Variants in SRL observed in about 807,000 individuals in gnomAD.
The protein encoded by SRL is sarcalumenin.
SRL carries 23 observed loss-of-function variants against 39.5 expected under a neutral mutation model. That is an observed-to-expected ratio of 0.58 (90% CI 0.42 to 0.82). The LOEUF (loss-of-function observed/expected upper bound fraction) is 0.82. SRL is among the 40% of genes least tolerant of loss of function. The pLI is 0.00. For synonymous variants in SRL, 272 were observed against 237.4 expected, an observed-to-expected ratio of 1.15 and a Z score of -1.34; for missense variants, 592 against 607.8, an observed-to-expected ratio of 0.97 and a Z score of 0.27.
At position 4,228,382 on chromosome 16, in the gene SRL, G is replaced by A. The variant is rs377437707; in HGVS notation, c.61+13625C>T. Among the ~76,000 whole-genome samples, 41 of 152,160 alleles carry A rather than the reference G, an allele frequency of 2.7e-4. No homozygotes were observed. In the East Asian group the frequency reaches 3.5e-3, roughly 13 times the overall value. On this transcript the variant is annotated intron_variant, in intron 1 of 5. Coordinates refer to ENST00000399609, the MANE Select transcript of SRL (RefSeq NM_001098814.2). ...ACCCGGGAGGTGGAGGTTGCAGTGA[G>A]CCGAGATTGCACCACTGCACTCCAA...
intron 3 of SRL, among the ~76,000 whole-genome samples, chr16:4,202,855 G>A (rs1441551987): frequency 6.6e-6 from 1 of 152,140 alleles, no homozygotes; most frequent in Non-Finnish European, 1.5e-5. Context: ...ATTGAAATAG[G>A]CATCATCGCC....
intron 4 of SRL, among the ~76,000 whole-genome samples, chr16:4,196,105 C>T (rs1597266048): frequency 6.6e-6 from 1 of 151,828 alleles, no homozygotes. Flanking sequence ...AGATTACAGG[C>T]ACTCGCCACC....
chr16:4,197,684 C>A, intron 4 of SRL, 115 bp downstream of exon 4: 1 of 845,648 alleles, frequency 1.2e-6, no homozygotes, highest in Non-Finnish European at 2.0e-6. Flanking sequence ...CCTTGGCCTC[C>A]CAATGTGCTG....
In SRL at chr16:4,190,587, C is replaced by G. The variant is rs2052048775; in HGVS notation, c.*1566G>C. 2.5e-6 allele frequency: 1 copy of G among 397,872 alleles called. No homozygotes were observed. The highest frequency in any genetic ancestry group is 4.4e-5 in the Admixed American group (1 of 22,720). The allele number at this position is 397,872 out of a possible 1,614,324, so 24.6% of individuals were successfully genotyped here. Reference sequence around the variant, plus strand: ...AGCCGTGCATGCTAGCCTTGCAAGACTGTTACAAGTTCTCTACTCCCTAGA... The same window carrying G: ...AGCCGTGCATGCTAGCCTTGCAAGAGTGTTACAAGTTCTCTACTCCCTAGA... On this transcript the variant is annotated 3_prime_UTR_variant, in exon 6 of 6. Coordinates refer to ENST00000399609, the MANE Select transcript of SRL (RefSeq NM_001098814.2).
intron 1 of SRL, among the ~76,000 whole-genome samples, chr16:4,219,258 T>C (rs1037349477): frequency 2.6e-5 from 4 of 152,228 alleles, no homozygotes; most frequent in South Asian, 2.1e-4. Flanking sequence ...AGTCTTCCCA[T>C]AGGGGGCCCA....
chr16:4,218,814 C>G (rs987505029), intron 1 of SRL, among the ~76,000 whole-genome samples: 1 of 152,220 alleles, frequency 6.6e-6, no homozygotes, highest in African/African-American at 2.4e-5. Flanking sequence ...CCCAAGTCTA[C>G]GCAGAGTTAG....
chr16:4,219,540 A>G (rs1018026551), intron 1 of SRL, among the ~76,000 whole-genome samples: 1 of 151,934 alleles, frequency 6.6e-6, no homozygotes, highest in East Asian at 1.9e-4. Flanking sequence ...TGCAACGTCC[A>G]CCTCCCAGTT....
chr16:4,199,686 T>C (rs2052196740), intron 3 of SRL, among the ~76,000 whole-genome samples: 2 of 133,692 alleles, frequency 1.5e-5, no homozygotes, highest in Non-Finnish European at 3.0e-5. Context: ...CATCTTCTTT[T>C]CTTTTCCTTT....
At chr16:4,207,017 A>G (rs1474625579) in intron 1 of SRL, 1 of 444,906 alleles carries the variant, frequency 2.2e-6, no homozygotes, top group Non-Finnish European at 4.5e-6. Flanking sequence ...CTTCCTGGGG[A>G]TCCCCGCCTT....
intron 3 of SRL, among the ~76,000 whole-genome samples, chr16:4,198,906 T>C (rs1288691904): frequency 6.6e-6 from 1 of 152,078 alleles, no homozygotes; most frequent in Admixed American, 6.6e-5. Flanking sequence ...TCCAGGTGGG[T>C]CCCTAAGAGG....
intron 1 of SRL, among the ~76,000 whole-genome samples, chr16:4,214,938 T>G (rs2141047867): frequency 6.6e-6 from 1 of 152,136 alleles, no homozygotes; most frequent in South Asian, 2.1e-4. Context: ...TGGCTAATTT[T>G]TGTATTTTTA....
At chr16:4,225,911 G>A (rs554880234) in intron 1 of SRL, among the ~76,000 whole-genome samples, 2 of 152,182 alleles carry the variant, frequency 1.3e-5, no homozygotes, top group African/African-American at 4.8e-5. Flanking sequence ...TGCTTCACCT[G>A]TAACCCCATC....
At position 4,192,201 on chromosome 16, in the gene SRL, G is replaced by C; in HGVS notation, c.1374C>G (p.Asp458Glu). The C allele has an allele frequency of 6.3e-7, 1 of 1,587,046 alleles. No homozygotes were observed. Residue 458 changes from aspartate (D) to glutamate (E), a missense_variant, in exon 6 of 6, where the codon GAC becomes GAG. Physicochemically the swap from Asp to Glu is conservative, Grantham distance 45. Coordinates refer to ENST00000399609, the MANE Select transcript of SRL (RefSeq NM_001098814.2). The surrounding 1 kb of genome is among the most constrained non-coding windows in gnomAD (Gnocchi z 4.0). ...LGKNPGALNC[D>E]KTGCSETPKN... ...TTGGTGTTTCGCTACACCCTGTTTT[G>C]TCACAGTTGAGAGCACCTGGATTCT...
rs2052336015 is a variant in SRL, at chr16:4,207,396, T to A, written c.62-2762A>T. ...CTCGGTGCCCTCACTGGCTTGTGTG[T>A]CAATATCTGGCTCCGACTCTCCCCC... On this transcript the variant is annotated intron_variant, in intron 1 of 5. Coordinates refer to ENST00000399609, the MANE Select transcript of SRL (RefSeq NM_001098814.2). 4 of 456,452 alleles carry A rather than the reference T, an allele frequency of 8.8e-6. No homozygotes were observed. The Admixed American group carries it at 9.4e-5, about 11-fold the overall frequency. The allele number at this position is 456,452 out of a possible 1,614,324, so 28.3% of individuals were successfully genotyped here.
chr16:4,236,996 C>A (rs901979269), intron 1 of SRL, among the ~76,000 whole-genome samples: 1 of 150,640 alleles, frequency 6.6e-6, no homozygotes, highest in Non-Finnish European at 1.5e-5. Context: ...GGTTGGGGTA[C>A]AATAGTGCCA....
At chr16:4,238,803 T>G (rs1375350509) in intron 1 of SRL, among the ~76,000 whole-genome samples, 2 of 150,890 alleles carry the variant, frequency 1.3e-5, no homozygotes, top group Admixed American at 6.6e-5. Context: ...TTTTTTTTTT[T>G]AGAGACAGGG....
chr16:4,208,928 ATCTGTGCCAGAGACC>A (rs1438637414), intron 1 of SRL, among the ~76,000 whole-genome samples: 1 of 152,168 alleles, frequency 6.6e-6, no homozygotes, highest in African/African-American at 2.4e-5. Context: ...TAGGGGCCTC[ATCTGTGCCAGAGACC>A]TCTGTCAAGG....
intron 1 of SRL, among the ~76,000 whole-genome samples, chr16:4,233,531 C>T (rs2052680700): frequency 8.5e-5 from 13 of 152,150 alleles, no homozygotes; most frequent in Admixed American, 8.5e-4. Flanking sequence ...ATCTTCTGAA[C>T]TTCAACCAGA....
intron 1 of SRL, chr16:4,207,271 T>A (rs1172553989): frequency 6.6e-6 from 3 of 456,856 alleles, no homozygotes; most frequent in Non-Finnish European, 1.3e-5. Flanking sequence ...TCCTCAGTCA[T>A]CTCTGGGGAC....
Sources: allele counts gnomAD v4.1 joint callset (sites outside exome capture counted in the v4.1 genomes callset), GRCh38; gene constraint gnomAD v4.1.1; non-coding constraint Gnocchi (gnomAD v3.1); transcripts MANE v1.5; gene names NCBI Gene and HGNC (gene_info 2026-07-23, HGNC 2026-07-21).